FSTL1: variants seen among roughly 807,000 people sequenced by gnomAD.
FSTL1 encodes follistatin like 1, also known as follistatin-related protein 1.
A neutral mutation model predicts 45.9 loss-of-function variants in FSTL1; 24 were observed. The observed-to-expected ratio is 0.52, with a 90% CI of 0.38 to 0.74. FSTL1 has a LOEUF of 0.74. Among genes scored for constraint, FSTL1 ranks in the 30% least tolerant of loss-of-function variants. The pLI is 0.00. For synonymous variants in FSTL1, 120 were observed against 137.6 expected, an observed-to-expected ratio of 0.87 and a Z score of 0.89; for missense variants, 340 against 381.8, an observed-to-expected ratio of 0.89 and a Z score of 0.91.
intron 6 of FSTL1, among the ~76,000 whole-genome samples, chr3:120,408,323 T>C (rs1259027153): frequency 1.3e-5 from 2 of 152,242 alleles, no homozygotes; most frequent in Admixed American, 1.3e-4. Flanking sequence ...CTTTTTCATC[T>C]GGGTATGATC....
chr3:120,411,216 T>C (rs968763462), intron 4 of FSTL1: 3 of 435,114 alleles, frequency 6.9e-6, no homozygotes, highest in African/African-American at 2.0e-5. Flanking sequence ...TCTGGCCTCA[T>C]ACCTCCTCCT....
chr3:120,422,452 A>G (rs1937296175), intron 2 of FSTL1, among the ~76,000 whole-genome samples: 1 of 152,206 alleles, frequency 6.6e-6, no homozygotes, highest in Admixed American at 6.5e-5. Context: ...AAACATTTGT[A>G]CACCTTAAAT....
In FSTL1 at chr3:120,393,620, A is replaced by C. The variant is rs1254392459; in HGVS notation, c.*3332T>G. ...CACTGGATGCCATTTAGTCTCCTAAATCATATGGGGGATTTACGAGTCATT... is the reference window on the plus strand; with the variant it reads ...CACTGGATGCCATTTAGTCTCCTAACTCATATGGGGGATTTACGAGTCATT... On this transcript the variant is annotated 3_prime_UTR_variant, in exon 11 of 11. Transcript: ENST00000295633. 1 of 152,164 alleles carries C rather than the reference A, an allele frequency of 6.6e-6. No homozygotes were observed. Among genetic ancestry groups the C allele is most frequent in the African/African-American group, 2.4e-5 (1 of 41,430 alleles). The allele number at this position is 152,164 out of a possible 1,614,324, so 9.4% of individuals were successfully genotyped here. A position where few individuals can be genotyped will look rare whatever the true frequency, so the allele number is the denominator to read the frequency against.
intron 2 of FSTL1, among the ~76,000 whole-genome samples, chr3:120,443,680 A>C (rs1382990962): frequency 6.7e-6 from 1 of 149,892 alleles, no homozygotes; most frequent in East Asian, 1.9e-4. Context: ...AGCTTTTGTC[A>C]TGTATCATAT....
chr3:120,410,499 A>C, intron 5 of FSTL1: 1 of 308,434 alleles, frequency 3.2e-6, no homozygotes, highest in South Asian at 2.8e-5. Context: ...ATCTAAGGAA[A>C]GTATGTGCAA....
chr3:120,444,324 A>G (rs1358783919), intron 2 of FSTL1, among the ~76,000 whole-genome samples: 1 of 149,818 alleles, frequency 6.7e-6, no homozygotes, highest in Non-Finnish European at 1.5e-5. Context: ...CTTTCATCTC[A>G]TATAGACTCT....
intron 2 of FSTL1, among the ~76,000 whole-genome samples, chr3:120,417,524 G>A (rs1937207504): frequency 1.3e-5 from 2 of 152,184 alleles, no homozygotes; most frequent in Admixed American, 6.5e-5. Context: ...GCGAATTCAA[G>A]AAAGCTAGCA....
intron 5 of FSTL1, chr3:120,410,481 C>T: frequency 6.6e-6 from 2 of 302,244 alleles, no homozygotes; most frequent in Non-Finnish European, 1.3e-5. Flanking sequence ...ACAAAGGCTA[C>T]CGTGAGAATC....
At chr3:120,397,548 C>G (rs947646337) in intron 10 of FSTL1, among the ~76,000 whole-genome samples, 1 of 152,166 alleles carries the variant, frequency 6.6e-6, no homozygotes, top group African/African-American at 2.4e-5. Context: ...ATTAATCACA[C>G]GGGAAATGCA....
intron 9 of FSTL1, chr3:120,400,167 C>T: frequency 1.7e-6 from 1 of 583,108 alleles, no homozygotes; most frequent in Non-Finnish European, 3.1e-6. Flanking sequence ...AGCAATCTAC[C>T]CCAACTCCTC....
At chr3:120,426,845 C>T (rs185887576) in intron 2 of FSTL1, among the ~76,000 whole-genome samples, 270 of 152,210 alleles carry the variant, frequency 1.8e-3, no homozygotes, top group African/African-American at 6.2e-3. Context: ...CATGTAGCCT[C>T]GAGATCTGTG....
At chr3:120,423,089 C>A (rs898031427) in intron 2 of FSTL1, 3 of 152,122 alleles carry the variant, frequency 2.0e-5, no homozygotes, top group African/African-American at 7.2e-5. Flanking sequence ...CTACTCATTG[C>A]GTATTGTGTG....
intron 2 of FSTL1, 47 bp downstream of exon 2, chr3:120,450,637 C>T: frequency 7.2e-7 from 1 of 1,382,584 alleles, no homozygotes; most frequent in Non-Finnish European, 9.7e-7. Context: ...CGCGCAGACC[C>T]AAGAGGCCCC....
At chr3:120,441,244 T>C (rs1338025416) in intron 2 of FSTL1, 2 of 152,236 alleles carry the variant, frequency 1.3e-5, no homozygotes, top group African/African-American at 4.8e-5. Context: ...ACCCAAGATA[T>C]CTGTTTGCCA....
In FSTL1 at chr3:120,393,799, T is replaced by A. The variant is rs937173207; in HGVS notation, c.*3153A>T. The A allele has an allele frequency of 6.6e-6, 1 of 152,162 alleles. No homozygotes were observed. Among genetic ancestry groups the A allele is most frequent in the African/African-American group, 2.4e-5 (1 of 41,422 alleles). The allele number at this position is 152,162 out of a possible 1,614,324, so 9.4% of individuals were successfully genotyped here. A position where few individuals can be genotyped will look rare whatever the true frequency, so the allele number is the denominator to read the frequency against. ...TTAGGTCATCAAAGTTTAACCCTCA[T>A]GAATGGGTAAGTGCCCTTATAAAAG... On this transcript the variant is annotated 3_prime_UTR_variant, in exon 11 of 11. Transcript: ENST00000295633.
chr3:120,431,551 G>A (rs976745699), intron 2 of FSTL1, among the ~76,000 whole-genome samples: 2 of 152,064 alleles, frequency 1.3e-5, no homozygotes, highest in Admixed American at 6.6e-5. Context: ...GGCTGGATGC[G>A]GTGGCTCACG....
At chr3:120,438,204 T>A (rs189148706) in intron 2 of FSTL1, 12 of 151,960 alleles carry the variant, frequency 7.9e-5, no homozygotes, top group African/African-American at 2.4e-4. Flanking sequence ...TGTTTGCTTT[T>A]GTTTTTCAAG....
At chr3:120,438,521 C>T (rs1213459414) in intron 2 of FSTL1, 3 of 152,234 alleles carry the variant, frequency 2.0e-5, no homozygotes, top group Non-Finnish European at 4.4e-5. Flanking sequence ...TCTGTTTTCT[C>T]ATTCTTGAGC....
intron 2 of FSTL1, among the ~76,000 whole-genome samples, chr3:120,417,540 G>A (rs1042549046): frequency 1.3e-5 from 2 of 152,196 alleles, no homozygotes; most frequent in Non-Finnish European, 2.9e-5. Flanking sequence ...TAGCAGGCGG[G>A]GAAGAAAGAG....
Sources: gnomAD v4.1 joint callset for allele counts (sites outside exome capture counted in the v4.1 genomes callset) on GRCh38, gnomAD v4.1.1 for gene constraint, MANE v1.5 for transcripts, NCBI Gene and HGNC (gene_info 2026-07-23, HGNC 2026-07-21) for gene names.